ANKS1B: variants seen among roughly 807,000 people sequenced by gnomAD.
The protein encoded by ANKS1B is ankyrin repeat and sterile alpha motif domain containing 1B.
Under a neutral mutation model 148.3 loss-of-function variants are expected in ANKS1B, and 36 were observed. The observed-to-expected ratio is 0.24, with a 90% CI of 0.19 to 0.32. The LOEUF (loss-of-function observed/expected upper bound fraction) is 0.32, where lower values mean the gene tolerates loss of function less well. Ranked by LOEUF, ANKS1B falls within the 10% of genes least tolerant of loss-of-function variation. The probability of loss-of-function intolerance (pLI) is 1.00; values close to 1 mark genes in which losing one functional copy is unlikely to be tolerated. For missense variants in ANKS1B, 1,157 were observed against 1,542.6 expected, an observed-to-expected ratio of 0.75 and a Z score of 4.19; for synonymous variants, 542 against 560.8, an observed-to-expected ratio of 0.97 and a Z score of 0.47.
intron 9 of ANKS1B, among the ~76,000 whole-genome samples, chr12:99,512,073 T>A (rs1018477664): frequency 1.3e-5 from 2 of 151,946 alleles, no homozygotes; most frequent in Non-Finnish European, 2.9e-5. Flanking sequence ...GGGATCTAAT[T>A]AAATTAAAAA....
rs896364076 is a variant in ANKS1B at position 98,745,214 on chromosome 12, A to G, written c.*525T>C. The G allele has an allele frequency of 1.0e-6, 1 of 985,774 alleles. No individual in the cohort carries two copies. Among genetic ancestry groups the G allele is most frequent in the Admixed American group, 6.1e-5 (1 of 16,280 alleles). The allele number at this position is 985,774 out of a possible 1,614,324, so 61.1% of individuals were successfully genotyped here. A position where few individuals can be genotyped will look rare whatever the true frequency, so the allele number is the denominator to read the frequency against. The stretch of plus-strand genomic sequence containing the variant: ...GGAAACAGAATCTCCTGGCAATCAT[A>G]TCACGGGAGTTGTTTTTGTCCTTTT... On this transcript the variant is annotated 3_prime_UTR_variant, in exon 27 of 27. Transcript: ENST00000683438.
chr12:99,413,167 T>C (rs1339181068), intron 11 of ANKS1B, among the ~76,000 whole-genome samples: 1 of 152,198 alleles, frequency 6.6e-6, no homozygotes, highest in Admixed American at 6.5e-5. Flanking sequence ...TGTTGTCTCA[T>C]TGAAGCCTAT....
At chr12:99,656,501 A>G (rs1039757928) in intron 8 of ANKS1B, among the ~76,000 whole-genome samples, 2 of 152,116 alleles carry the variant, frequency 1.3e-5, no homozygotes, top group African/African-American at 4.8e-5. Flanking sequence ...ATGAAACAAG[A>G]ACAGAAAGTT....
downstream of ANKS1B, among the ~76,000 whole-genome samples, chr12:98,742,123 G>A (rs2097803049): frequency 6.6e-6 from 1 of 152,348 alleles, no homozygotes; most frequent in South Asian, 2.1e-4. Context: ...ATGCATATTA[G>A]CTCATCTGTA....
chr12:99,536,295 A>C (rs2097065305), intron 9 of ANKS1B, among the ~76,000 whole-genome samples: 2 of 152,184 alleles, frequency 1.3e-5, no homozygotes, highest in Non-Finnish European at 2.9e-5. Flanking sequence ...GGGGATGTTG[A>C]TAATGGGGGA....
rs1167140069 is a variant in ANKS1B at position 99,594,022 on chromosome 12, T to G, written c.1272+61045A>C. Among the ~76,000 whole-genome samples the G allele has an allele frequency of 5.3e-5, 8 of 152,030 alleles. 1 individual carries two copies. Among genetic ancestry groups the G allele is most frequent in the African/African-American group, 1.9e-4 (8 of 41,402 alleles). ...CAGTCTTAGATGCTAGAATCCATGA[T>G]CTATCACTGAATAGTTTGTGACTTC... On this transcript the variant is annotated intron_variant, in intron 9 of 26. Transcript: ENST00000683438.
intron 9 of ANKS1B, among the ~76,000 whole-genome samples, chr12:99,535,356 G>A (rs892545700): frequency 6.6e-6 from 1 of 152,152 alleles, no homozygotes; most frequent in Non-Finnish European, 1.5e-5. Context: ...CCACGTCCAT[G>A]TTAAACTAGG....
intron 8 of ANKS1B, among the ~76,000 whole-genome samples, chr12:99,757,639 A>G (rs1160148762): frequency 6.6e-6 from 1 of 152,140 alleles, no homozygotes; most frequent in Non-Finnish European, 1.5e-5. Context: ...GAATGCACAC[A>G]TATGTTCATT....
chr12:99,398,599 C>T (rs2094317371), intron 12 of ANKS1B, among the ~76,000 whole-genome samples: 1 of 152,136 alleles, frequency 6.6e-6, no homozygotes, highest in Non-Finnish European at 1.5e-5. Flanking sequence ...GGGGAGAAAA[C>T]ATCTAGGGCA....
At chr12:99,040,979 G>A (rs1201292261) in intron 17 of ANKS1B, among the ~76,000 whole-genome samples, 1 of 152,192 alleles carries the variant, frequency 6.6e-6, no homozygotes, top group Non-Finnish European at 1.5e-5. Context: ...CACTGAGCAA[G>A]AGAATGCGAA....
intron 12 of ANKS1B, among the ~76,000 whole-genome samples, chr12:99,354,548 A>T (rs923245508): frequency 5.9e-5 from 9 of 152,072 alleles, no homozygotes; most frequent in Admixed American, 1.3e-4. Flanking sequence ...CTAAATAGGA[A>T]TCATTTATCT....
chr12:98,811,072 C>CA (rs1566774331), intron 19 of ANKS1B, among the ~76,000 whole-genome samples: 5 of 108 alleles, frequency 0.046, no homozygotes, highest in African/African-American at 0.18. Context: ...CTCTGGCAGC[C>CA]GCACTGCTTT....
At chr12:99,031,588 A>G (rs566335564) in intron 17 of ANKS1B, among the ~76,000 whole-genome samples, 1 of 152,338 alleles carries the variant, frequency 6.6e-6, no homozygotes, top group East Asian at 1.9e-4. Context: ...GATAAAAGGA[A>G]CACACATCTC....
intron 17 of ANKS1B, among the ~76,000 whole-genome samples, chr12:98,861,469 C>A (rs1164917479): frequency 6.6e-6 from 1 of 152,152 alleles, no homozygotes; most frequent in African/African-American, 2.4e-5. Flanking sequence ...TTTGACAGTG[C>A]CTTCTTGGGG....
intron 4 of ANKS1B, among the ~76,000 whole-genome samples, chr12:99,800,441 CAAA>C (rs138056927): frequency 1.4e-4 from 12 of 86,722 alleles, no homozygotes; most frequent in Admixed American, 1.3e-4. Flanking sequence ...ATACAGAAGC[CAAA>C]AAAAAAAAAA....
chr12:99,264,646 AAACG>A, intron 12 of ANKS1B, among the ~76,000 whole-genome samples: 1 of 152,112 alleles, frequency 6.6e-6, no homozygotes, highest in East Asian at 1.9e-4. Flanking sequence ...TCATTCCTCA[AAACG>A]AGCCTTCTCT....
At chr12:98,886,801 T>C (rs1021751014) in intron 17 of ANKS1B, among the ~76,000 whole-genome samples, 3 of 152,122 alleles carry the variant, frequency 2.0e-5, no homozygotes, top group Non-Finnish European at 4.4e-5. Context: ...AAAATTATAA[T>C]GGAAAGAATA....
chr12:99,814,259 C>G (rs1168875775), intron 2 of ANKS1B, among the ~76,000 whole-genome samples: 1 of 151,606 alleles, frequency 6.6e-6, no homozygotes, highest in Non-Finnish European at 1.5e-5. Flanking sequence ...TGTACTTAGT[C>G]TCATTTTCTT....
chr12:98,921,287 C>G (rs1451533116), intron 17 of ANKS1B, among the ~76,000 whole-genome samples: 1 of 152,142 alleles, frequency 6.6e-6, no homozygotes, highest in African/African-American at 2.4e-5. Flanking sequence ...GGTGATAAAG[C>G]AGCAGTTCCT....
Sources: allele counts gnomAD v4.1 joint callset (sites outside exome capture counted in the v4.1 genomes callset), GRCh38; gene constraint gnomAD v4.1.1; transcripts MANE v1.5; gene names NCBI Gene and HGNC (gene_info 2026-07-23, HGNC 2026-07-21).